The following MYO1E variants were observed in gnomAD, a reference collection of about 807,000 sequenced individuals.
MYO1E encodes unconventional myosin-Ie.
MYO1E carries 68 observed loss-of-function variants against 151.1 expected under a neutral mutation model. The ratio of observed to expected loss-of-function variants is 0.45; its 90% CI spans 0.37 to 0.55. MYO1E has a LOEUF of 0.55. Among genes scored for constraint, MYO1E ranks in the 20% least tolerant of loss-of-function variants. The pLI is 0.00. For synonymous variants in MYO1E, 601 were observed against 501.7 expected (o/e 1.20, Z -2.64); for missense variants, 1,363 against 1,389.3 (o/e 0.98, Z 0.30).
intron 2 of MYO1E, among the ~76,000 whole-genome samples, chr15:59,262,096 A>G (rs986134239): frequency 6.6e-6 from 1 of 152,002 alleles, no homozygotes; most frequent in South Asian, 2.1e-4. Flanking sequence ...CTGCTACTGT[A>G]CTCAGGAGGC....
chr15:59,220,999 TTATATATATAATA>T (rs1237284946), intron 9 of MYO1E, among the ~76,000 whole-genome samples: 1 of 145,204 alleles, frequency 6.9e-6, no homozygotes. Context: ...ATATATATAA[TTATATATATAATA>T]TATATATAAA....
rs147524188 is a variant in MYO1E, at chr15:59,207,193, G to T, written c.1530+1488C>A. On this transcript the variant is annotated intron_variant, in intron 14 of 27. Transcript: ENST00000288235. ...AACTGGATCGGTGGGCATGGCCTGC[G>T]CTATCAGCATCTTATTAAAAGGCTT... 43 of 1,614,084 alleles carry T rather than the reference G, an allele frequency of 2.7e-5. No individual in the cohort carries two copies. The highest frequency in any genetic ancestry group is 3.6e-5 in the Non-Finnish European group (42 of 1,180,048).
At chr15:59,233,620 C>CA (rs1388611656) in intron 5 of MYO1E, among the ~76,000 whole-genome samples, 11 of 147,208 alleles carry the variant, frequency 7.5e-5, no homozygotes, top group Non-Finnish European at 1.6e-4. Flanking sequence ...GCTGAGATCG[C>CA]ACCACTGCAC....
At chr15:59,305,094 C>A (rs1229003281) in intron 1 of MYO1E, among the ~76,000 whole-genome samples, 1 of 152,220 alleles carries the variant, frequency 6.6e-6, no homozygotes, top group East Asian at 1.9e-4. Context: ...GTCACCAGTT[C>A]CTGGAGGTCA....
chr15:59,312,727 T>C (rs2080560167), intron 1 of MYO1E, among the ~76,000 whole-genome samples: 1 of 151,980 alleles, frequency 6.6e-6, no homozygotes, highest in African/African-American at 2.4e-5. Flanking sequence ...TTGTTAGAAA[T>C]ACAAAGTCTT....
In MYO1E at chr15:59,283,039, C is replaced by A. The variant is rs143925215; in HGVS notation, c.4-10590G>T. On this transcript the variant is annotated intron_variant, in intron 1 of 27. Coordinates refer to ENST00000288235, the MANE Select transcript of MYO1E (RefSeq NM_004998.4). Reference sequence around the variant, plus strand: ...CCCAGGCTCTCTGAGATGCTCAGGGCATCCATCCTCCAGGGCACAAAAAGG... The same window carrying A: ...CCCAGGCTCTCTGAGATGCTCAGGGAATCCATCCTCCAGGGCACAAAAAGG... Among the ~76,000 whole-genome samples the A allele has an allele frequency of 2.8e-5, 4 of 144,864 alleles. No individual in the cohort carries two copies. In the South Asian group the frequency reaches 6.9e-4, roughly 25 times the overall value.
intron 3 of MYO1E, among the ~76,000 whole-genome samples, chr15:59,259,964 G>A (rs543201971): frequency 3.3e-5 from 5 of 152,302 alleles, no homozygotes; most frequent in Non-Finnish European, 5.9e-5. Context: ...TTATGACACA[G>A]CCAGCATCCA....
Position 59,163,073 on chromosome 15 carries a change from C to T in MYO1E, c.2627+84G>A, listed in dbSNP as rs55654146. 68,625 of 1,516,492 alleles carry T rather than the reference C, an allele frequency of 0.045. 1,870 individuals are homozygous for T. The highest frequency in any genetic ancestry group is 0.054 in the Non-Finnish European group (60,314 of 1,108,336). The allele number at this position is 1,516,492 out of a possible 1,614,324, so 93.9% of individuals were successfully genotyped here. A position where few individuals can be genotyped will look rare whatever the true frequency, so the allele number is the denominator to read the frequency against. ...CCACTCTTCTCCTCGCAGGCCTCCT[C>T]CAGCCCCATCCTGAATCGCAGGGGT... On this transcript the variant is annotated intron_variant, in intron 23 of 27. Coordinates refer to ENST00000288235, the MANE Select transcript of MYO1E (RefSeq NM_004998.4).
chr15:59,264,104 G>A (rs576950814), intron 2 of MYO1E, among the ~76,000 whole-genome samples: 1 of 152,068 alleles, frequency 6.6e-6, no homozygotes, highest in Non-Finnish European at 1.5e-5. Flanking sequence ...TGGAACGTTT[G>A]CATTACACTC....
chr15:59,263,948 C>T (rs1409400615), intron 2 of MYO1E, among the ~76,000 whole-genome samples: 1 of 152,116 alleles, frequency 6.6e-6, no homozygotes, highest in East Asian at 1.9e-4. Context: ...GTCCATGATG[C>T]CGTAGCCAAG....
At chr15:59,321,639 C>G (rs1293952340) in intron 1 of MYO1E, among the ~76,000 whole-genome samples, 3 of 152,188 alleles carry the variant, frequency 2.0e-5, no homozygotes, top group African/African-American at 7.2e-5. Context: ...ATTGGGTACT[C>G]ATGGACATAA....
At chr15:59,274,648 G>A (rs1438582282) in intron 1 of MYO1E, among the ~76,000 whole-genome samples, 2 of 152,304 alleles carry the variant, frequency 1.3e-5, no homozygotes, top group East Asian at 3.9e-4. Flanking sequence ...GAAGCTCTGT[G>A]TCATGGTGCG....
intron 16 of MYO1E, among the ~76,000 whole-genome samples, chr15:59,199,959 A>T (rs2079790942): frequency 6.6e-5 from 10 of 152,270 alleles, no homozygotes; most frequent in Middle Eastern, 3.4e-3. Context: ...CACCAAGGAG[A>T]TTGTGCCTGG....
intron 24 of MYO1E, among the ~76,000 whole-genome samples, chr15:59,160,332 A>AATGC (rs2079530351): frequency 8.5e-6 from 1 of 117,112 alleles, no homozygotes; most frequent in Non-Finnish European, 1.8e-5. Flanking sequence ...GGTTTGAGGT[A>AATGC]GTGCGTGTGT....
intron 1 of MYO1E, among the ~76,000 whole-genome samples, chr15:59,316,799 G>A (rs1343499268): frequency 6.6e-6 from 1 of 152,186 alleles, no homozygotes; most frequent in Non-Finnish European, 1.5e-5. Context: ...TGAAAACACT[G>A]TGCTTTGTAA....
At position 59,362,578 on chromosome 15, in the gene MYO1E, C is replaced by T. The variant is rs1022498752; in HGVS notation, c.3+9920G>A. Among the ~76,000 whole-genome samples the T allele has an allele frequency of 8.5e-5, 13 of 152,354 alleles. 1 individual carries two copies. The highest frequency in any genetic ancestry group is 7.2e-4 in the Admixed American group (11 of 15,302). ...ATTGATGCATATTTCTGCATTACAGCATTCCCAAGCCTTGAAGGAAGCTAT... is the reference window on the plus strand; with the variant it reads ...ATTGATGCATATTTCTGCATTACAGTATTCCCAAGCCTTGAAGGAAGCTAT... On this transcript the variant is annotated intron_variant, in intron 1 of 27. Coordinates refer to ENST00000288235, the MANE Select transcript of MYO1E (RefSeq NM_004998.4).
At chr15:59,190,198 T>G (rs17269545) in intron 17 of MYO1E, among the ~76,000 whole-genome samples, 7,270 of 152,292 alleles carry the variant, frequency 0.048, 191 homozygotes, top group African/African-American at 0.071. Flanking sequence ...AACATGGTAT[T>G]TGAGGCAAAT....
At chr15:59,204,825 C>T (rs1448997946) in intron 15 of MYO1E, among the ~76,000 whole-genome samples, 3 of 152,164 alleles carry the variant, frequency 2.0e-5, no homozygotes, top group African/African-American at 7.2e-5. Flanking sequence ...AATTCAACGA[C>T]CATGAAGAAG....
intron 1 of MYO1E, among the ~76,000 whole-genome samples, chr15:59,284,028 C>A (rs144381104): frequency 6.6e-6 from 1 of 152,230 alleles, no homozygotes. Context: ...TAGGAGCTCA[C>A]GGAGCAGCCT....
Sources: allele counts gnomAD v4.1 joint callset (sites outside exome capture counted in the v4.1 genomes callset), GRCh38; gene constraint gnomAD v4.1.1; transcripts MANE v1.5; gene names NCBI Gene and HGNC (gene_info 2026-07-23, HGNC 2026-07-21).